SMOC2: variants seen among roughly 807,000 people sequenced by gnomAD.
SMOC2 encodes SPARC related modular calcium binding 2, also known as SPARC-related modular calcium-binding protein 2.
Under a neutral mutation model 61.4 loss-of-function variants are expected in SMOC2, and 39 were observed. That is an observed-to-expected ratio of 0.64 (90% confidence interval 0.49 to 0.83). The LOEUF (loss-of-function observed/expected upper bound fraction) is 0.83. Ranked by LOEUF, SMOC2 falls within the 40% of genes least tolerant of loss-of-function variation. The pLI is 0.00. For missense variants in SMOC2, 556 were observed against 592.9 expected (o/e 0.94, Z 0.65); for synonymous variants, 247 against 239.9 (o/e 1.03, Z -0.27).
At chr6:168,646,919 A>T (rs540194791) in intron 9 of SMOC2, among the ~76,000 whole-genome samples, 2 of 152,348 alleles carry the variant, frequency 1.3e-5, no homozygotes, top group South Asian at 4.1e-4. Context: ...TTTGCCACAG[A>T]TTGGATATAA....
chr6:168,632,986 C>T (rs1023108809), intron 9 of SMOC2, among the ~76,000 whole-genome samples: 2 of 152,170 alleles, frequency 1.3e-5, no homozygotes, highest in Admixed American at 6.5e-5. Context: ...GTCCTTGGCT[C>T]AGCTCCCAGA....
chr6:168,562,922 C>T (rs1583113088), intron 7 of SMOC2, among the ~76,000 whole-genome samples: 1 of 152,198 alleles, frequency 6.6e-6, no homozygotes, highest in South Asian at 2.1e-4. Flanking sequence ...CCTAAAAGCT[C>T]CAGCCTAGAA....
At chr6:168,451,395 C>T (rs990009391) in intron 1 of SMOC2, among the ~76,000 whole-genome samples, 6 of 152,286 alleles carry the variant, frequency 3.9e-5, no homozygotes, top group African/African-American at 1.2e-4. Flanking sequence ...GAAACATGGA[C>T]GCCTTCTCCA....
chr6:168,454,355 T>TG (rs1781533587), intron 1 of SMOC2, among the ~76,000 whole-genome samples: 1 of 152,060 alleles, frequency 6.6e-6, no homozygotes, highest in African/African-American at 2.4e-5. Flanking sequence ...GAAATCTAAC[T>TG]GGGCTTTTTT....
At chr6:168,581,042 C>T (rs755095567) in intron 7 of SMOC2, among the ~76,000 whole-genome samples, 3 of 152,186 alleles carry the variant, frequency 2.0e-5, no homozygotes, top group Admixed American at 6.5e-5. Flanking sequence ...GCACAGCCTT[C>T]GCCTCTGATT....
intron 1 of SMOC2, among the ~76,000 whole-genome samples, chr6:168,487,374 A>G (rs1294615505): frequency 6.6e-6 from 1 of 152,226 alleles, no homozygotes; most frequent in Non-Finnish European, 1.5e-5. Context: ...ATTTCAGAAT[A>G]TAAGAGATGC....
intron 7 of SMOC2, among the ~76,000 whole-genome samples, chr6:168,578,612 G>C (rs781354463): frequency 6.6e-6 from 1 of 152,218 alleles, no homozygotes; most frequent in Non-Finnish European, 1.5e-5. Flanking sequence ...CTAAGAACAA[G>C]CATGGCTTCG....
chr6:168,632,762 G>T (rs1467913522), intron 9 of SMOC2, among the ~76,000 whole-genome samples: 1 of 152,192 alleles, frequency 6.6e-6, no homozygotes, highest in African/African-American at 2.4e-5. Context: ...TGGAAAAGGA[G>T]CAGGCTAAGG....
intron 4 of SMOC2, among the ~76,000 whole-genome samples, chr6:168,533,946 CT>C (rs1323342300): frequency 1.3e-5 from 2 of 152,144 alleles, no homozygotes; most frequent in African/African-American, 4.8e-5. Context: ...TGAATTTTAT[CT>C]GTTTAAAATA....
chr6:168,562,332 C>T (rs1583112275), intron 7 of SMOC2, among the ~76,000 whole-genome samples: 1 of 137,506 alleles, frequency 7.3e-6, no homozygotes, highest in African/African-American at 3.0e-5. Context: ...ACACGAGGCT[C>T]TCACTGTGTT....
chr6:168,588,027 G>A (rs899613436), intron 7 of SMOC2, among the ~76,000 whole-genome samples: 9 of 151,086 alleles, frequency 6.0e-5, no homozygotes, highest in Middle Eastern at 3.4e-3. Flanking sequence ...GGGGTGAGGG[G>A]TGGGGGTGAT....
chr6:168,534,290 G>T (rs2115086037), intron 4 of SMOC2, among the ~76,000 whole-genome samples: 1 of 152,250 alleles, frequency 6.6e-6, no homozygotes, highest in Non-Finnish European at 1.5e-5. Context: ...AAAAGATTCA[G>T]ATTGAATTCT....
At chr6:168,449,479 G>A (rs1781411490) in intron 1 of SMOC2, among the ~76,000 whole-genome samples, 1 of 152,166 alleles carries the variant, frequency 6.6e-6, no homozygotes, top group Non-Finnish European at 1.5e-5. Context: ...TGAGAGATCT[G>A]GATGAAAAAG....
rs369833595 is a variant in SMOC2 at position 168,452,483 on chromosome 6, G to A, written c.84+11029G>A. The stretch of plus-strand genomic sequence containing the variant: ...GAGTCGGGTTTTATTCAAAGCAATC[G>A]CTTAACTTATTTTATTTGCTAAATG... On this transcript the variant is annotated intron_variant, in intron 1 of 12. Coordinates refer to ENST00000356284, the MANE Select transcript of SMOC2 (RefSeq NM_001166412.2). The surrounding 1 kb of genome is among the most constrained non-coding windows in gnomAD (Gnocchi z 5.0). Among the ~76,000 whole-genome samples, 184 of 152,228 alleles carry A rather than the reference G, an allele frequency of 1.2e-3. 1 individual carries two copies. Among genetic ancestry groups the A allele is most frequent in the African/African-American group, 4.1e-3 (171 of 41,540 alleles).
chr6:168,648,142 G>A (rs985864896), intron 9 of SMOC2, among the ~76,000 whole-genome samples: 1 of 152,162 alleles, frequency 6.6e-6, no homozygotes, highest in Non-Finnish European at 1.5e-5. Flanking sequence ...AAGCTGTTCA[G>A]TACTGAGGAT....
intron 2 of SMOC2, among the ~76,000 whole-genome samples, chr6:168,518,728 T>C (rs1006739669): frequency 6.7e-6 from 1 of 150,122 alleles, no homozygotes; most frequent in Non-Finnish European, 1.5e-5. Flanking sequence ...CTTATGTGAG[T>C]GTGCATGTGT....
intron 9 of SMOC2, among the ~76,000 whole-genome samples, chr6:168,639,315 A>G (rs1786830254): frequency 6.6e-6 from 1 of 152,206 alleles, no homozygotes; most frequent in African/African-American, 2.4e-5. Context: ...TGCCAAGACT[A>G]CTACTGCAAA....
chr6:168,528,288 A>T (rs2609285), intron 4 of SMOC2, among the ~76,000 whole-genome samples: 3 of 144,726 alleles, frequency 2.1e-5, no homozygotes, highest in East Asian at 2.0e-4. Context: ...TTTTGCCAAT[A>T]GTGCTGTAAA....
At chr6:168,565,372 G>A (rs1438434643) in intron 7 of SMOC2, among the ~76,000 whole-genome samples, 1 of 152,156 alleles carries the variant, frequency 6.6e-6, no homozygotes, top group Non-Finnish European at 1.5e-5. Flanking sequence ...TGGCCTCCAT[G>A]TGGTCTTCTC....
Sources: gnomAD v4.1 joint callset for allele counts (sites outside exome capture counted in the v4.1 genomes callset) on GRCh38, gnomAD v4.1.1 for gene constraint, Gnocchi (gnomAD v3.1) non-coding constraint, MANE v1.5 for transcripts, NCBI Gene and HGNC (gene_info 2026-07-23, HGNC 2026-07-21) for gene names.